Variants in JAK3 observed in about 807,000 individuals in gnomAD.
The protein encoded by JAK3 is tyrosine-protein kinase JAK3.
A neutral mutation model predicts 120.8 loss-of-function variants in JAK3; 88 were observed. The ratio of observed to expected loss-of-function variants is 0.73; its 90% confidence interval spans 0.61 to 0.87. The LOEUF is 0.87. Among genes scored for constraint, JAK3 ranks in the 40% least tolerant of loss-of-function variants. JAK3 has a pLI of 0.00. For missense variants in JAK3, 1,254 were observed against 1,501.4 expected, an observed-to-expected ratio of 0.84 and a Z score of 2.72; for synonymous variants, 592 against 628.6, an observed-to-expected ratio of 0.94 and a Z score of 0.87.
At chr19:17,838,435 A>G (rs2147689336) in intron 10 of JAK3, 45 bp from the exon 11 acceptor site, 1 of 1,613,388 alleles carries the variant, frequency 6.2e-7, no homozygotes. Flanking sequence ...TCAGAGGTGA[A>G]AAGTCCCCAA....
rs2147675421 is a variant in JAK3 at position 17,831,138 on chromosome 19, A to T, written c.2978+90T>A. 3 of 1,340,166 alleles carry T rather than the reference A, an allele frequency of 2.2e-6. No homozygotes were observed. Among genetic ancestry groups the T allele is most frequent in the Non-Finnish European group, 2.0e-6 (2 of 1,002,826 alleles). The allele number at this position is 1,340,166 out of a possible 1,614,324, so 83.0% of individuals were successfully genotyped here. ...AGGAAGGGCGGGGCTAAGGCTGGGG[A>T]GCAAAGCAGCGGGAGGGGGCGGGGG... On this transcript the variant is annotated intron_variant, in intron 21 of 23. Coordinates refer to ENST00000458235, the MANE Select transcript of JAK3 (RefSeq NM_000215.4). This position sits in a 1 kb window ranked among gnomAD's most constrained non-coding sequence, Gnocchi z 5.1.
rs770648156 is a variant in JAK3, at chr19:17,842,313, C to T, written c.861+3G>A. On this transcript the variant is annotated splice_donor_region_variant and intron_variant, in intron 6 of 23. Coordinates refer to ENST00000458235, the MANE Select transcript of JAK3 (RefSeq NM_000215.4). The surrounding 1 kb of genome is among the most constrained non-coding windows in gnomAD (Gnocchi z 6.4). ...CCCGCCCAGCGGGGGAGTCCGCCCT[C>T]ACCTCCTGTTCTCCCTGGGTCCAGG... 1.9e-6 allele frequency: 3 copies of T among 1,577,280 alleles called. No homozygotes were observed. In the Admixed American group the frequency reaches 5.2e-5, roughly 27 times the overall value.
rs1053542523 is a variant in JAK3 at position 17,841,433 on chromosome 19, C to A, written c.1098G>T (p.Pro366=). ...GCTCGGCCACTTCCTCCAGCAGCCT[C>A]GGCGGTGCCACCTCCTTGCAGAAGA... ...QHFFCKEVAP[P]RLLEEVAEQC... Residue 366 remains proline, a synonymous_variant, in exon 8 of 24, where the codon CCG becomes CCT. Coordinates refer to ENST00000458235, the MANE Select transcript of JAK3 (RefSeq NM_000215.4). This position sits in a 1 kb window ranked among gnomAD's most constrained non-coding sequence, Gnocchi z 4.1. 1.3e-6 allele frequency: 2 copies of A among 1,553,926 alleles called. No individual in the cohort carries two copies. The highest frequency in any genetic ancestry group is 1.7e-6 in the Non-Finnish European group (2 of 1,148,796).
intron 23 of JAK3, among the ~76,000 whole-genome samples, chr19:17,828,135 GC>G (rs1346700532): frequency 6.6e-6 from 1 of 152,002 alleles, no homozygotes. Context: ...TCCAGCGTCG[GC>G]CCCGTAAGAG....
At position 17,831,419 on chromosome 19, in the gene JAK3, A is replaced by G; in HGVS notation, c.2806-19T>C. On this transcript the variant is annotated intron_variant, in intron 20 of 23. Transcript: ENST00000458235. The surrounding 1 kb of genome is among the most constrained non-coding windows in gnomAD (Gnocchi z 5.1). ...CCATGCCCTGCGGGCGGGCGGTGTG[A>G]GCGTGCAGAGAGGATCCCAGGATAA... 6.2e-7 allele frequency: 1 copy of G among 1,600,496 alleles called. No individual in the cohort carries two copies.
chr19:17,847,909 T>G, intron 1 of JAK3, 37 bp downstream of exon 1: 2 of 913,260 alleles, frequency 2.2e-6, no homozygotes, highest in Non-Finnish European at 2.7e-6. Flanking sequence ...CCTCCCCCAG[T>G]GTCTGGGCCG....
chr19:17,843,084 A>G lies in JAK3; in HGVS notation c.509T>C (p.Leu170Pro), dbSNP rs1216747511. ...GECLSLAVLD[L>P]ARMAREQAQR... ...GGCCTGCTCTCGCGCCATCCGGGCC[A>G]GGTCCAACACGGCCAGGCTGAGACA... is the stretch of plus-strand genomic sequence containing the variant. The change falls in exon 5 of 24, where the codon CTG becomes CCG. Residue 170 changes from leucine to proline, a missense_variant. Leu to Pro is a moderately conservative substitution (Grantham distance 98). Transcript: ENST00000458235. This position sits in a 1 kb window ranked among gnomAD's most constrained non-coding sequence, Gnocchi z 5.4. 1 of 1,610,812 alleles carries G rather than the reference A, an allele frequency of 6.2e-7. No individual in the cohort carries two copies. Among genetic ancestry groups the G allele is most frequent in the East Asian group, 2.2e-5 (1 of 44,882 alleles).
Position 17,843,678 on chromosome 19 carries a change from G to T in JAK3, c.308+99C>A. ...GTCTGTTTCCTCATCTGAGAAATGG[G>T]TAGTGACCATACCTCCCTGGGGCAG... On this transcript the variant is annotated intron_variant, in intron 3 of 23. Transcript: ENST00000458235. This position sits in a 1 kb window ranked among gnomAD's most constrained non-coding sequence, Gnocchi z 5.4. The T allele has an allele frequency of 1.4e-6, 2 of 1,452,346 alleles. No individual in the cohort carries two copies. The highest frequency in any genetic ancestry group is 9.7e-7 in the Non-Finnish European group (1 of 1,034,496). 90.0% of individuals were successfully genotyped at this position (1,452,346 alleles called of 1,614,324 possible).
rs200112185 is a variant in JAK3 at position 17,838,361 on chromosome 19, C to G, written c.1471G>C (p.Gly491Arg). ...AAGGATGATGTGGGTGGGCTGTGAC[C>G]TCTCTGGACCACGATCAGGTTGGAC... Reference protein sequence around the residue: ...EKSNLIVVQRGHSPPTSSLVQ... With the variant: ...EKSNLIVVQRRHSPPTSSLVQ... Residue 491 changes from glycine (G) to arginine (R), a missense_variant, in exon 11 of 24, where the codon GGT becomes CGT. Gly to Arg is a moderately radical substitution (Grantham distance 125). Coordinates refer to ENST00000458235, the MANE Select transcript of JAK3 (RefSeq NM_000215.4). 2.7e-5 allele frequency: 43 copies of G among 1,613,908 alleles called. No individual in the cohort carries two copies. The African/African-American group carries it at 5.1e-4, about 19-fold the overall frequency.
intron 1 of JAK3, among the ~76,000 whole-genome samples, chr19:17,846,078 A>T (rs1263980209): frequency 6.6e-6 from 1 of 152,054 alleles, no homozygotes; most frequent in Non-Finnish European, 1.5e-5. Context: ...TCGGACTCCC[A>T]AAGTGCTGGG....
Position 17,841,538 on chromosome 19 carries a change from C to G in JAK3, c.993G>C (p.Glu331Asp). The G allele has an allele frequency of 6.3e-7, 1 of 1,590,586 alleles. No homozygotes were observed. The highest frequency in any genetic ancestry group is 8.6e-7 in the Non-Finnish European group (1 of 1,168,596). Residue 331 changes from glutamate to aspartate, a missense_variant, in exon 8 of 24, where the codon GAG becomes GAC. Around this residue, in one of 3 missense-constraint regions of JAK3, gnomAD observed 486 missense variants for 503.0 expected, o/e 0.97. Coordinates refer to ENST00000458235, the MANE Select transcript of JAK3 (RefSeq NM_000215.4). The surrounding 1 kb of genome is among the most constrained non-coding windows in gnomAD (Gnocchi z 4.1). ...ACAGAGCCTCGGGCAGCCCTGGGAA[C>G]TCGGCCTCCTGCGAGGGACAAGCGT... ...TRTDNQILEA[E>D]FPGLPEALSF...
chr19:17,838,460 A>G (rs916676669), intron 10 of JAK3, 70 bp from the exon 11 acceptor site: 10 of 1,591,308 alleles, frequency 6.3e-6, no homozygotes, highest in Admixed American at 1.7e-5. Context: ...TAGCTAACTC[A>G]TGCCTTAGTT....
In JAK3 at chr19:17,841,946, C is replaced by T. The variant is rs1179690847; in HGVS notation, c.862-184G>A. 3.9e-5 allele frequency among the ~76,000 whole-genome samples: 6 copies of T among 151,902 alleles called. No individual in the cohort carries two copies. The highest frequency in any genetic ancestry group is 8.8e-5 in the Non-Finnish European group (6 of 67,972). ...TCCCCTACCCATCCCCAAACATCTC[C>T]CACCCGCTCTGCCAATCCCCGCCTC... On this transcript the variant is annotated intron_variant, in intron 6 of 23. Transcript: ENST00000458235. This position sits in a 1 kb window ranked among gnomAD's most constrained non-coding sequence, Gnocchi z 4.1.
chr19:17,834,901 T>C lies in JAK3; in HGVS notation c.2150A>G (p.Glu717Gly). The C allele has an allele frequency of 6.2e-7, 1 of 1,614,002 alleles. No homozygotes were observed. The highest frequency in any genetic ancestry group is 8.5e-7 in the Non-Finnish European group (1 of 1,180,006). Residue 717 changes from glutamate (E) to glycine (G), a missense_variant, in exon 16 of 24, where the codon GAA becomes GGA. Glu to Gly is a moderately conservative substitution (Grantham distance 98). Transcript: ENST00000458235. Reference protein sequence around the residue: ...DKWGFGATVWEVFSGVTMPIS... With the variant: ...DKWGFGATVWGVFSGVTMPIS... ...GGGCATGGTGACGCCACTAAACACT[T>C]CCCAGACCGTGGCGCCGAAGCCCCA...
rs760856974 is a variant in JAK3, at chr19:17,827,717, T to TAA, written c.3208-809_3208-808dup. ...CAACATGGAGAAACCCCATCTTAAC[T>TAA]AAAAAAAAAAAAAAAAAAAAAAAAA... On this transcript the variant is annotated intron_variant, in intron 23 of 23. Transcript: ENST00000458235. 8.4e-3 allele frequency among the ~76,000 whole-genome samples: 649 copies of TAA among 77,648 alleles called. 89 individuals carry two copies. The highest frequency in any genetic ancestry group is 0.011 in the Non-Finnish European group (466 of 43,342). 50.9% of individuals were successfully genotyped at this position (77,648 alleles called of 152,430 possible). A position where few individuals can be genotyped will look rare whatever the true frequency, so the allele number is the denominator to read the frequency against.
At chr19:17,829,901 CTCAT>C in intron 23 of JAK3, 1 of 632,172 alleles carries the variant, frequency 1.6e-6, no homozygotes, top group East Asian at 2.7e-5. Context: ...CATTACTATT[CTCAT>C]TTTGGAAAAG....
rs530168160 is a variant in JAK3 at position 17,843,275 on chromosome 19, C to T, written c.421-103G>A. ...TCCTGGGCTGACCCCCACCCCTGGACTGCCACAGGGAGGGTCAGACGAGGC... is the reference window on the plus strand; with the variant it reads ...TCCTGGGCTGACCCCCACCCCTGGATTGCCACAGGGAGGGTCAGACGAGGC... On this transcript the variant is annotated intron_variant, in intron 4 of 23. Coordinates refer to ENST00000458235, the MANE Select transcript of JAK3 (RefSeq NM_000215.4). This position sits in a 1 kb window ranked among gnomAD's most constrained non-coding sequence, Gnocchi z 5.4. The T allele has an allele frequency of 7.0e-5, 108 of 1,532,622 alleles. No homozygotes were observed. The South Asian group carries it at 1.2e-3, about 18-fold the overall frequency. 94.9% of individuals were successfully genotyped at this position (1,532,622 alleles called of 1,614,324 possible). A position where few individuals can be genotyped will look rare whatever the true frequency, so the allele number is the denominator to read the frequency against.
chr19:17,839,591 G>A lies in JAK3; in HGVS notation c.1327C>T (p.Leu443Phe). Residue 443 changes from leucine to phenylalanine, a missense_variant, in exon 10 of 24, where the codon CTC becomes TTC. Leu to Phe is a conservative substitution (Grantham distance 22, BLOSUM62 0). Coordinates refer to ENST00000458235, the MANE Select transcript of JAK3 (RefSeq NM_000215.4). ...CGAAGACTGCTGTGGGGTCGGCTGA[G>A]GCCAACCAGAAGGAAGGTTCCTGTG... ...SPTGTFLLVGLSRPHSSLREL... is the reference protein window; with the variant it reads ...SPTGTFLLVGFSRPHSSLREL... The A allele has an allele frequency of 1.2e-6, 2 of 1,612,184 alleles. No homozygotes were observed. Among genetic ancestry groups the A allele is most frequent in the Non-Finnish European group, 8.5e-7 (1 of 1,179,416 alleles).
intron 23 of JAK3, among the ~76,000 whole-genome samples, chr19:17,829,512 C>T (rs2094209857): frequency 1.3e-5 from 2 of 152,028 alleles, no homozygotes; most frequent in East Asian, 1.9e-4. Context: ...AGTCCCAGCA[C>T]TTTGGGAGGC....
Sources: allele counts gnomAD v4.1 joint callset (sites outside exome capture counted in the v4.1 genomes callset), GRCh38; gene constraint gnomAD v4.1.1; regional missense constraint gnomAD v4.1.1; non-coding constraint Gnocchi (gnomAD v3.1); transcripts MANE v1.5; gene names NCBI Gene and HGNC (gene_info 2026-07-23, HGNC 2026-07-21).